Variants in NAA11 observed in about 807,000 individuals in gnomAD.
NAA11 encodes N-alpha-acetyltransferase 11.
A neutral mutation model predicts 16.1 loss-of-function variants in NAA11; 15 were observed. That is an observed-to-expected ratio of 0.93 (90% CI 0.62 to 1.44). The LOEUF (loss-of-function observed/expected upper bound fraction) is 1.44. Among genes scored for constraint, NAA11 ranks in the 40% most tolerant of loss-of-function variants. The pLI is 0.00. For missense variants in NAA11, 298 were observed against 291.3 expected (o/e 1.02, Z -0.17); for synonymous variants, 122 against 112.4 (o/e 1.09, Z -0.54).
At chr4:79,179,170 T>G in the NAA11 span, among the ~76,000 whole-genome samples, 1 of 152,232 alleles carries the variant, frequency 6.6e-6, no homozygotes, top group East Asian at 1.9e-4. Flanking sequence ...TGTATTTTGT[T>G]ATTTTTTGAC....
At chr4:79,201,049 T>A in the NAA11 span, among the ~76,000 whole-genome samples, 1 of 151,726 alleles carries the variant, frequency 6.6e-6, no homozygotes, top group African/African-American at 2.4e-5. Context: ...ATTGTGTTTT[T>A]TTCTTAAGAT....
chr4:79,320,546 C>A (rs1227386077), intron 1 of NAA11, among the ~76,000 whole-genome samples: 2 of 152,158 alleles, frequency 1.3e-5, no homozygotes, highest in African/African-American at 4.8e-5. Flanking sequence ...ATTTCCTCAA[C>A]CACAAAATGG....
intron 1 of NAA11, among the ~76,000 whole-genome samples, chr4:79,303,081 T>C (rs533014767): frequency 4.8e-3 from 76 of 15,796 alleles, no homozygotes; most frequent in South Asian, 0.013. Context: ...GCCTTTTATA[T>C]ATATATATAT....
the NAA11 span, among the ~76,000 whole-genome samples, chr4:79,161,608 G>A: frequency 2.6e-5 from 4 of 152,170 alleles, no homozygotes; most frequent in Non-Finnish European, 4.4e-5. Context: ...GACCAGGTTG[G>A]GAAGTATTTC....
intron 1 of NAA11, among the ~76,000 whole-genome samples, chr4:79,310,078 A>T (rs113166476): frequency 1.3e-5 from 2 of 152,052 alleles, no homozygotes; most frequent in East Asian, 3.9e-4. Context: ...ATTATTCCTC[A>T]TCTGTGAACC....
the NAA11 span, among the ~76,000 whole-genome samples, chr4:79,188,157 A>C: frequency 1.3e-5 from 2 of 152,176 alleles, no homozygotes; most frequent in Non-Finnish European, 2.9e-5. Flanking sequence ...TTTATCTAAA[A>C]TTAGACTAGG....
At chr4:79,228,914 T>C (rs1165097801) in intron 2 of NAA11, among the ~76,000 whole-genome samples, 2 of 152,036 alleles carry the variant, frequency 1.3e-5, no homozygotes, top group African/African-American at 4.8e-5. Context: ...AACCATTCTA[T>C]TTTTCAGTCT....
downstream of NAA11, among the ~76,000 whole-genome samples, chr4:79,224,129 G>A (rs1721259871): frequency 6.6e-6 from 1 of 152,078 alleles, no homozygotes; most frequent in Non-Finnish European, 1.5e-5. Context: ...CCACAGGGCG[G>A]TAGTCAAGAG....
the NAA11 span, among the ~76,000 whole-genome samples, chr4:79,180,881 C>A: frequency 1.3e-5 from 2 of 152,260 alleles, no homozygotes; most frequent in Non-Finnish European, 2.9e-5. Flanking sequence ...ACATATACAC[C>A]ATGGAATACT....
the NAA11 span, among the ~76,000 whole-genome samples, chr4:79,159,587 C>A: frequency 6.6e-6 from 1 of 152,066 alleles, no homozygotes; most frequent in Non-Finnish European, 1.5e-5. Flanking sequence ...TTTAATCACC[C>A]CCCAAAGAAA....
chr4:79,212,986 T>G, the NAA11 span, among the ~76,000 whole-genome samples: 28 of 152,272 alleles, frequency 1.8e-4, no homozygotes, highest in African/African-American at 6.3e-4. Context: ...ACAGTGATCA[T>G]ATTATATACC....
the NAA11 span, among the ~76,000 whole-genome samples, chr4:79,158,698 G>GATATATATAT: frequency 1.6e-3 from 182 of 112,124 alleles, 9 homozygotes; most frequent in African/African-American, 2.7e-3. Flanking sequence ...CACATTACCT[G>GATATATATAT]ATATATATAT....
At chr4:79,201,648 T>C in the NAA11 span, among the ~76,000 whole-genome samples, 1 of 151,680 alleles carries the variant, frequency 6.6e-6, no homozygotes, top group African/African-American at 2.4e-5. Context: ...TTTGGGACTT[T>C]TTAAATTTTT....
At chr4:79,298,290 C>T (rs763464898) in intron 1 of NAA11, among the ~76,000 whole-genome samples, 2 of 152,176 alleles carry the variant, frequency 1.3e-5, no homozygotes, top group Admixed American at 1.3e-4. Flanking sequence ...AAGTCGGGAC[C>T]CACTGAATGG....
At chr4:79,222,353 A>G (rs1339292438), downstream of NAA11, among the ~76,000 whole-genome samples, 4 of 152,046 alleles carry the variant, frequency 2.6e-5, no homozygotes, top group African/African-American at 7.2e-5. Context: ...ATCTACAACT[A>G]TCTGATCTTT....
At chr4:79,241,322 A>G (rs1201433172) in intron 2 of NAA11, among the ~76,000 whole-genome samples, 1 of 152,256 alleles carries the variant, frequency 6.6e-6, no homozygotes, top group Non-Finnish European at 1.5e-5. Context: ...CATACAAAAT[A>G]TACGTTACAT....
At chr4:79,273,899 T>G (rs1280353176) in intron 2 of NAA11, among the ~76,000 whole-genome samples, 3 of 152,022 alleles carry the variant, frequency 2.0e-5, no homozygotes, top group Admixed American at 6.6e-5. Context: ...CCATAAAACA[T>G]TTACTGCAAA....
chr4:79,247,940 G>A (rs796170467), intron 2 of NAA11, among the ~76,000 whole-genome samples: 3 of 152,298 alleles, frequency 2.0e-5, no homozygotes, highest in African/African-American at 4.8e-5. Context: ...GATTTGGTGC[G>A]GGAGTGTCTG....
the NAA11 span, among the ~76,000 whole-genome samples, chr4:79,166,419 A>G: frequency 6.6e-5 from 10 of 151,648 alleles, no homozygotes; most frequent in East Asian, 2.0e-3. Context: ...TGGTGCAAAC[A>G]TAACTCAGCT....
Sources: allele counts gnomAD v4.1 joint callset (sites outside exome capture counted in the v4.1 genomes callset), GRCh38; gene constraint gnomAD v4.1.1; transcripts MANE v1.5; gene names NCBI Gene and HGNC (gene_info 2026-07-23, HGNC 2026-07-21).